GRIK1: variants seen among roughly 807,000 people sequenced by gnomAD.
The protein encoded by GRIK1 is glutamate ionotropic receptor kainate type subunit 1.
GRIK1 carries 69 observed loss-of-function variants against 105.7 expected under a neutral mutation model. The ratio of observed to expected loss-of-function variants is 0.65; its 90% CI spans 0.54 to 0.80. The LOEUF is 0.80. Among genes scored for constraint, GRIK1 ranks in the 30% least tolerant of loss-of-function variants. The probability of loss-of-function intolerance (pLI) is 0.00; values close to 1 mark genes in which losing one functional copy is unlikely to be tolerated. For synonymous variants in GRIK1, 438 were observed against 431.3 expected (o/e 1.02, Z -0.19); for missense variants, 1,109 against 1,167.3 (o/e 0.95, Z 0.73).
chr21:29,690,642 C>A (rs993644573), intron 2 of GRIK1, among the ~76,000 whole-genome samples: 2 of 152,202 alleles, frequency 1.3e-5, no homozygotes, highest in Non-Finnish European at 2.9e-5. Flanking sequence ...TGGACAGGAG[C>A]TTTAGCTCAA....
At chr21:29,630,211 C>T (rs1022561965) in intron 7 of GRIK1, among the ~76,000 whole-genome samples, 1 of 152,086 alleles carries the variant, frequency 6.6e-6, no homozygotes, top group African/African-American at 2.4e-5. Context: ...CAGGGATCTC[C>T]ATGAAGCAAC....
intron 4 of GRIK1, among the ~76,000 whole-genome samples, chr21:29,666,739 T>C (rs1447663668): frequency 6.6e-6 from 1 of 152,244 alleles, no homozygotes; most frequent in African/African-American, 2.4e-5. Flanking sequence ...TGATTAGATG[T>C]TTGAGAATAA....
rs10616950 is a variant in GRIK1 at position 29,656,341 on chromosome 21, CCAGAG to C, written c.727-1483_727-1479del. On this transcript the variant is annotated intron_variant, in intron 4 of 17. Transcript: ENST00000327783. ...GCGCCACTGCACTCCAGCCTGGGGG[CCAGAG>C]CGAGACTCAAAAAAAAAAAAAAAAA... Among the ~76,000 whole-genome samples the C allele has an allele frequency of 9.2e-3, 1,005 of 109,642 alleles. 23 individuals carry two copies. The highest frequency in any genetic ancestry group is 0.034 in the African/African-American group (956 of 28,250). 71.9% of individuals were successfully genotyped at this position (109,642 alleles called of 152,430 possible). A position where few individuals can be genotyped will look rare whatever the true frequency, so the allele number is the denominator to read the frequency against.
rs184858457 is a variant in GRIK1 at position 29,677,236 on chromosome 21, A to G, written c.545-4072T>C. ...AAGGGTGTACAGGAGTTTATTGTAC[A>G]TGTCCTGCAACTTTTCTCTAAGTTC... On this transcript the variant is annotated intron_variant, in intron 3 of 17. Coordinates refer to ENST00000327783, the MANE Select transcript of GRIK1 (RefSeq NM_001330994.2). 4.0e-4 allele frequency among the ~76,000 whole-genome samples: 61 copies of G among 152,356 alleles called. 1 individual carries two copies. The East Asian group carries it at 0.011, about 27-fold the overall frequency.
chr21:29,621,189 G>A (rs1403889756), intron 7 of GRIK1, among the ~76,000 whole-genome samples: 1 of 152,068 alleles, frequency 6.6e-6, no homozygotes, highest in Non-Finnish European at 1.5e-5. Flanking sequence ...TCAATTGTCA[G>A]AAACAGAAAG....
At chr21:29,598,995 C>T in intron 7 of GRIK1, 58 bp from the exon 8 acceptor site, 1 of 780,942 alleles carries the variant, frequency 1.3e-6, no homozygotes, top group Non-Finnish European at 2.2e-6. Context: ...ATTCCTGAGA[C>T]CATCAAAATT....
intron 5 of GRIK1, 95 bp from the exon 6 acceptor site, chr21:29,651,386 A>G (rs1018716582): frequency 3.9e-6 from 3 of 767,096 alleles, no homozygotes; most frequent in African/African-American, 3.6e-5. Flanking sequence ...AACTAATACA[A>G]TGATACCTTT....
chr21:29,905,058 C>A (rs1319949130), intron 1 of GRIK1, among the ~76,000 whole-genome samples: 2 of 152,142 alleles, frequency 1.3e-5, no homozygotes, highest in African/African-American at 4.8e-5. Flanking sequence ...GTGAAACATA[C>A]TGAAAATTTA....
intron 1 of GRIK1, among the ~76,000 whole-genome samples, chr21:29,736,879 A>ATGT (rs2064805009): frequency 6.6e-6 from 1 of 151,670 alleles, no homozygotes; most frequent in South Asian, 2.1e-4. Flanking sequence ...GGGTTTCACC[A>ATGT]TGTTGGTCAG....
intron 1 of GRIK1, among the ~76,000 whole-genome samples, chr21:29,874,547 G>A (rs1388699008): frequency 6.6e-6 from 1 of 152,162 alleles, no homozygotes; most frequent in Non-Finnish European, 1.5e-5. Context: ...TTGTTCGTCC[G>A]CCGCTCACCT....
rs73350468 is a variant in GRIK1 at position 29,636,793 on chromosome 21, T to C, written c.1098+6033A>G. 7.0e-3 allele frequency among the ~76,000 whole-genome samples: 1,072 copies of C among 152,346 alleles called. 10 individuals are homozygous for C. The highest frequency in any genetic ancestry group is 0.024 in the African/African-American group (991 of 41,578). Reference sequence around the variant, plus strand: ...CCTATACATAGCTACCAAGATAAACTATCTGAAACTTCGTTTTGTCTCTGC... The same window carrying C: ...CCTATACATAGCTACCAAGATAAACCATCTGAAACTTCGTTTTGTCTCTGC... On this transcript the variant is annotated intron_variant, in intron 7 of 17. Transcript: ENST00000327783.
chr21:29,856,524 A>AT (rs2068469634), intron 1 of GRIK1, among the ~76,000 whole-genome samples: 3 of 152,284 alleles, frequency 2.0e-5, no homozygotes, highest in African/African-American at 7.2e-5. Flanking sequence ...CCAGTGCTGC[A>AT]TTTTTGCTGA....
At chr21:29,618,783 A>G (rs975310666) in intron 7 of GRIK1, among the ~76,000 whole-genome samples, 1 of 152,208 alleles carries the variant, frequency 6.6e-6, no homozygotes, top group African/African-American at 2.4e-5. Context: ...CAAACAATGT[A>G]TGTTCTCACT....
chr21:29,821,527 C>T (rs1415282864), intron 1 of GRIK1, among the ~76,000 whole-genome samples: 1 of 152,016 alleles, frequency 6.6e-6, no homozygotes, highest in Non-Finnish European at 1.5e-5. Context: ...TCACTTTTTA[C>T]TGAGGTTCAC....
chr21:29,931,749 C>T (rs1425126604), intron 1 of GRIK1, among the ~76,000 whole-genome samples: 1 of 152,116 alleles, frequency 6.6e-6, no homozygotes, highest in East Asian at 1.9e-4. Flanking sequence ...TAAGCCCTCT[C>T]AGCAGACAGA....
intron 1 of GRIK1, among the ~76,000 whole-genome samples, chr21:29,854,138 A>C (rs1314807554): frequency 6.6e-6 from 1 of 152,140 alleles, no homozygotes; most frequent in Non-Finnish European, 1.5e-5. Context: ...TGAGGGTCTC[A>C]GGGAGCTTCC....
At chr21:29,622,990 G>A (rs2062039759) in intron 7 of GRIK1, among the ~76,000 whole-genome samples, 1 of 152,074 alleles carries the variant, frequency 6.6e-6, no homozygotes, top group Non-Finnish European at 1.5e-5. Flanking sequence ...GGAGGATGAT[G>A]GAAGGTAACA....
At chr21:29,703,200 C>A (rs1353190991) in intron 1 of GRIK1, among the ~76,000 whole-genome samples, 4 of 152,188 alleles carry the variant, frequency 2.6e-5, no homozygotes, top group Non-Finnish European at 5.9e-5. Flanking sequence ...TGTATTCTAA[C>A]AAAGCTCGCT....
chr21:29,591,315 A>T, intron 9 of GRIK1, 90 bp from the exon 10 acceptor site: 1 of 805,692 alleles, frequency 1.2e-6, no homozygotes, highest in Non-Finnish European at 2.2e-6. Context: ...GAATGGGCAC[A>T]AAAGCTCACA....
Sources: allele counts gnomAD v4.1 joint callset (sites outside exome capture counted in the v4.1 genomes callset), GRCh38; gene constraint gnomAD v4.1.1; transcripts MANE v1.5; gene names NCBI Gene and HGNC (gene_info 2026-07-23, HGNC 2026-07-21).